WDR41: variants seen among roughly 807,000 people sequenced by gnomAD.
WDR41 encodes the protein WD repeat domain 41.
A neutral mutation model predicts 69.3 loss-of-function variants in WDR41; 63 were observed. That is an observed-to-expected ratio of 0.91 (90% CI 0.74 to 1.12). The LOEUF (loss-of-function observed/expected upper bound fraction) is 1.12, where lower values mean the gene tolerates loss of function less well. WDR41 is among the 50% of genes most tolerant of loss of function. WDR41 has a pLI of 0.00. For missense variants in WDR41, 543 were observed against 534.5 expected (o/e 1.02, Z -0.16); for synonymous variants, 185 against 192.1 (o/e 0.96, Z 0.31).
upstream of WDR41, chr5:77,492,327 T>C: frequency 4.1e-6 from 6 of 1,451,492 alleles, no homozygotes; most frequent in Admixed American, 1.1e-4. Context: ...GAGACGCTAA[T>C]ACTTCCCGCC....
intron 1 of WDR41, among the ~76,000 whole-genome samples, chr5:77,490,701 A>G (rs1400896318): frequency 6.6e-6 from 1 of 152,214 alleles, no homozygotes; most frequent in Non-Finnish European, 1.5e-5. Context: ...TTCTCCTCCA[A>G]TGAAAACTTG....
intron 1 of WDR41, among the ~76,000 whole-genome samples, chr5:77,538,253 C>T (rs1387400251): frequency 1.3e-5 from 2 of 152,158 alleles, no homozygotes; most frequent in African/African-American, 4.8e-5. Flanking sequence ...CAATTCTACC[C>T]ATGTCGCTGC....
At chr5:77,468,553 A>T (rs1800407536) in intron 2 of WDR41, among the ~76,000 whole-genome samples, 2 of 152,196 alleles carry the variant, frequency 1.3e-5, no homozygotes, top group Admixed American at 6.6e-5. Context: ...CAATAGCTAA[A>T]TGCTCATTTA....
chr5:77,441,467 A>C (rs1799163137), intron 8 of WDR41, among the ~76,000 whole-genome samples: 1 of 152,084 alleles, frequency 6.6e-6, no homozygotes, highest in South Asian at 2.1e-4. Context: ...AAACAAAAAC[A>C]AGGACCGGGC....
At chr5:77,501,747 T>C (rs1307096351) in intron 1 of WDR41, among the ~76,000 whole-genome samples, 3 of 152,122 alleles carry the variant, frequency 2.0e-5, no homozygotes, top group Non-Finnish European at 4.4e-5. Context: ...AAACAGGGTC[T>C]GGAGTGGACC....
chr5:77,474,767 A>G (rs1800817755), intron 2 of WDR41, among the ~76,000 whole-genome samples: 1 of 152,214 alleles, frequency 6.6e-6, no homozygotes, highest in South Asian at 2.1e-4. Context: ...CCCAAATCAC[A>G]GATAGAAAGC....
At chr5:77,437,638 A>G (rs900209376) in intron 10 of WDR41, among the ~76,000 whole-genome samples, 1 of 152,228 alleles carries the variant, frequency 6.6e-6, no homozygotes, top group East Asian at 1.9e-4. Context: ...CTCAAATGCT[A>G]TAAATTGATT....
At chr5:77,614,596 T>C (rs1744638071) in intron 1 of WDR41, among the ~76,000 whole-genome samples, 3 of 131,528 alleles carry the variant, frequency 2.3e-5, no homozygotes, top group African/African-American at 8.7e-5. Context: ...AATTGAACAA[T>C]GAGAACACAT....
intron 2 of WDR41, among the ~76,000 whole-genome samples, chr5:77,479,310 T>G (rs1324993547): frequency 1.3e-5 from 2 of 151,864 alleles, no homozygotes; most frequent in African/African-American, 4.8e-5. Flanking sequence ...TTCACAGAAT[T>G]GGAAAAAACT....
At chr5:77,461,623 G>C (rs915119002) in intron 4 of WDR41, among the ~76,000 whole-genome samples, 2 of 152,120 alleles carry the variant, frequency 1.3e-5, no homozygotes, top group Non-Finnish European at 2.9e-5. Flanking sequence ...AGATCACGAA[G>C]TCAGGAGTTC....
chr5:77,586,481 A>G (rs6453335), intron 1 of WDR41, among the ~76,000 whole-genome samples: 44,441 of 151,558 alleles, frequency 0.29, 7,119 homozygotes, highest in East Asian at 0.41. Flanking sequence ...TAAGTTTTGT[A>G]TTATTTGTAC....
intron 1 of WDR41, among the ~76,000 whole-genome samples, chr5:77,540,134 C>T (rs1743060465): frequency 6.6e-6 from 1 of 152,216 alleles, no homozygotes; most frequent in Non-Finnish European, 1.5e-5. Context: ...CATCTCATCA[C>T]TCCTGATAGA....
At chr5:77,593,881 A>G (rs1024270006) in intron 1 of WDR41, among the ~76,000 whole-genome samples, 37 of 152,198 alleles carry the variant, frequency 2.4e-4, no homozygotes, top group Non-Finnish European at 4.7e-4. Flanking sequence ...ATTAGAGCTA[A>G]CAGAAAGTCT....
chr5:77,467,702 T>C (rs188651788), intron 2 of WDR41, among the ~76,000 whole-genome samples: 2 of 152,194 alleles, frequency 1.3e-5, no homozygotes, highest in African/African-American at 4.8e-5. Flanking sequence ...GAAATGCTTG[T>C]TGAATGAATA....
rs1024774450 is a variant in WDR41, at chr5:77,433,038, A to T, written c.*97T>A. 8 of 1,351,674 alleles carry T rather than the reference A, an allele frequency of 5.9e-6. No homozygotes were observed. In the East Asian group the frequency reaches 1.0e-4, roughly 17 times the overall value. 83.7% of individuals were successfully genotyped at this position (1,351,674 alleles called of 1,614,324 possible). ...AGAATTTTATGGACTGACAAAAAAA[A>T]TTACCAATTTAAGTGATCAATATAT... On this transcript the variant is annotated 3_prime_UTR_variant, in exon 13 of 13. Coordinates refer to ENST00000296679, the MANE Select transcript of WDR41 (RefSeq NM_018268.4).
chr5:77,470,331 A>G (rs1800523994), intron 2 of WDR41, among the ~76,000 whole-genome samples: 3 of 152,222 alleles, frequency 2.0e-5, no homozygotes, highest in Admixed American at 1.3e-4. Flanking sequence ...AACATGCCAA[A>G]TTGTAAAGAC....
chr5:77,558,210 G>T (rs10062605), intron 1 of WDR41, among the ~76,000 whole-genome samples: 49,041 of 150,666 alleles, frequency 0.33, 10,778 homozygotes, highest in African/African-American at 0.61. Flanking sequence ...AAAACAATTT[G>T]TATAAAGAAA....
At chr5:77,437,097 G>A (rs1029606207) in intron 11 of WDR41, among the ~76,000 whole-genome samples, 1 of 152,144 alleles carries the variant, frequency 6.6e-6, no homozygotes, top group Non-Finnish European at 1.5e-5. Flanking sequence ...CAGAAAGTAA[G>A]TTTTCCCTCA....
intron 1 of WDR41, among the ~76,000 whole-genome samples, chr5:77,556,390 C>T (rs1743395481): frequency 6.6e-6 from 1 of 152,026 alleles, no homozygotes; most frequent in South Asian, 2.1e-4. Flanking sequence ...CAGGCGTGAG[C>T]CGTTGCACCC....
Sources: gnomAD v4.1 joint callset for allele counts (sites outside exome capture counted in the v4.1 genomes callset) on GRCh38, gnomAD v4.1.1 for gene constraint, MANE v1.5 for transcripts, NCBI Gene and HGNC (gene_info 2026-07-23, HGNC 2026-07-21) for gene names.